The following CLSTN1 variants were observed in gnomAD, a reference collection of about 807,000 sequenced individuals.
CLSTN1 encodes the protein calsyntenin 1, also known as calsyntenin-1.
A neutral mutation model predicts 108.3 loss-of-function variants in CLSTN1; 28 were observed. That is an observed-to-expected ratio of 0.26 (90% CI 0.19 to 0.35). The LOEUF (loss-of-function observed/expected upper bound fraction) is 0.35, where lower values mean the gene tolerates loss of function less well. Among genes scored for constraint, CLSTN1 ranks in the 10% least tolerant of loss-of-function variants. The pLI, the probability that CLSTN1 is intolerant of heterozygous loss-of-function variation, is 1.00. For missense variants in CLSTN1, 1,157 were observed against 1,302.6 expected (o/e 0.89, Z 1.72); for synonymous variants, 524 against 534.9 (o/e 0.98, Z 0.28).
intron 1 of CLSTN1, among the ~76,000 whole-genome samples, chr1:9,817,539 G>A (rs1273573222): frequency 2.0e-5 from 3 of 152,146 alleles, no homozygotes; most frequent in African/African-American, 7.2e-5. Flanking sequence ...TGTTGGTCAG[G>A]CTGGTCCCGA....
intron 1 of CLSTN1, among the ~76,000 whole-genome samples, chr1:9,788,905 A>G (rs955504355): frequency 6.7e-6 from 1 of 149,358 alleles, no homozygotes; most frequent in African/African-American, 2.5e-5. Flanking sequence ...GAATTTGACT[A>G]TTCTAGTACC....
intron 1 of CLSTN1, among the ~76,000 whole-genome samples, chr1:9,778,223 AACAC>A (rs57372437): frequency 0.082 from 10,964 of 134,380 alleles, 580 homozygotes; most frequent in African/African-American, 0.16. Flanking sequence ...TCTCCTCCCC[AACAC>A]ACACACACAC....
At position 9,823,459 on chromosome 1, in the gene CLSTN1, C is replaced by T. The variant is rs1186329386; in HGVS notation, c.91+184G>A. 6.6e-6 allele frequency among the ~76,000 whole-genome samples: 1 copy of T among 152,126 alleles called. No individual in the cohort carries two copies. Among genetic ancestry groups the T allele is most frequent in the African/African-American group, 2.4e-5 (1 of 41,438 alleles). On this transcript the variant is annotated intron_variant, in intron 1 of 18. Transcript: ENST00000377298. The surrounding 1 kb of genome is among the most constrained non-coding windows in gnomAD (Gnocchi z 6.3). ...CCGGCTCCGCGAGCCCGACCCCCAA[C>T]CCGAACCCCACGCCCTGACCCGGCT...
chr1:9,788,061 C>T (rs1653576997), intron 1 of CLSTN1, among the ~76,000 whole-genome samples: 1 of 151,250 alleles, frequency 6.6e-6, no homozygotes, highest in Non-Finnish European at 1.5e-5. Flanking sequence ...TCAAGATCAG[C>T]CCGGCCAACC....
At chr1:9,753,156 CT>C (rs1196291590) in intron 4 of CLSTN1, among the ~76,000 whole-genome samples, 1 of 152,190 alleles carries the variant, frequency 6.6e-6, no homozygotes, top group East Asian at 1.9e-4. Context: ...GCAGTCGATT[CT>C]CATAAGGAGC....
Position 9,734,670 on chromosome 1 carries a change from C to T in CLSTN1, c.2110+278G>A, listed in dbSNP as rs1650589386. ...GGCTGGCCAGCCTGGCAGGTGCAAG[C>T]AGTGTCTCCCGTAAGTGCCCTCAAC... is the stretch of plus-strand genomic sequence containing the variant. On this transcript the variant is annotated intron_variant, in intron 14 of 18. Transcript: ENST00000377298. The surrounding 1 kb of genome is among the most constrained non-coding windows in gnomAD (Gnocchi z 4.8). 6.6e-6 allele frequency among the ~76,000 whole-genome samples: 1 copy of T among 151,952 alleles called. No homozygotes were observed. The highest frequency in any genetic ancestry group is 1.5e-5 in the Non-Finnish European group (1 of 67,972).
At chr1:9,745,250 A>G (rs905827618) in intron 7 of CLSTN1, among the ~76,000 whole-genome samples, 1 of 152,134 alleles carries the variant, frequency 6.6e-6, no homozygotes, top group African/African-American at 2.4e-5. Flanking sequence ...AAAAAAACAA[A>G]AAGGAAGGGA....
chr1:9,778,239 C>CAG (rs998798829), intron 1 of CLSTN1, among the ~76,000 whole-genome samples: 9 of 151,286 alleles, frequency 5.9e-5, no homozygotes, highest in Non-Finnish European at 1.2e-4. Flanking sequence ...CACACACACA[C>CAG]ACACACACAC....
chr1:9,744,847 G>A (rs937600232), intron 7 of CLSTN1, among the ~76,000 whole-genome samples: 1 of 148,956 alleles, frequency 6.7e-6, no homozygotes, highest in Non-Finnish European at 1.5e-5. Flanking sequence ...TCCACCTCCC[G>A]GGTTCAAGCT....
intron 11 of CLSTN1, among the ~76,000 whole-genome samples, chr1:9,737,184 G>A (rs1302037924): frequency 2.0e-5 from 3 of 152,088 alleles, no homozygotes; most frequent in African/African-American, 7.3e-5. Context: ...CAGTCACGAG[G>A]CGGCCTCCCA....
chr1:9,770,600 C>G (rs1652626080), intron 2 of CLSTN1, among the ~76,000 whole-genome samples: 1 of 152,122 alleles, frequency 6.6e-6, no homozygotes, highest in African/African-American at 2.4e-5. Flanking sequence ...TGCAGAAAAG[C>G]GTATTTATTA....
intron 1 of CLSTN1, among the ~76,000 whole-genome samples, chr1:9,798,120 G>A (rs947264956): frequency 7.0e-6 from 1 of 142,962 alleles, no homozygotes; most frequent in African/African-American, 2.6e-5. Context: ...GAGGGAGAGA[G>A]GGAGAGAGGG....
At position 9,823,763 on chromosome 1, in the gene CLSTN1, G is replaced by A; in HGVS notation, c.-30C>T. 1.3e-5 allele frequency: 13 copies of A among 1,009,388 alleles called. No homozygotes were observed. Among genetic ancestry groups the A allele is most frequent in the Non-Finnish European group, 1.5e-5 (13 of 842,014 alleles). 62.5% of individuals were successfully genotyped at this position (1,009,388 alleles called of 1,614,324 possible). On this transcript the variant is annotated 5_prime_UTR_variant, in exon 1 of 19. Transcript: ENST00000377298. The surrounding 1 kb of genome is among the most constrained non-coding windows in gnomAD (Gnocchi z 6.3). ...AGCCCGGGGCGGGAGCGGCAGGGAG[G>A]CGCGCGGGACGCCGAGCGGAGCTCT...
At chr1:9,743,751 C>A (rs1478489718) in intron 9 of CLSTN1, 133 bp downstream of exon 9, 4 of 882,264 alleles carry the variant, frequency 4.5e-6, no homozygotes, top group African/African-American at 1.7e-5. Context: ...GGGACAGGAT[C>A]TTAGTAATGT....
In CLSTN1 at chr1:9,814,738, C is replaced by T. The variant is rs532232969; in HGVS notation, c.91+8905G>A. On this transcript the variant is annotated intron_variant, in intron 1 of 18. Coordinates refer to ENST00000377298, the MANE Select transcript of CLSTN1 (RefSeq NM_001009566.3). ...CAGCCTGGGCAACATAGGAAGATCCCGTCTCTACAAAAATTTTAAAATTAG... is the reference window on the plus strand; with the variant it reads ...CAGCCTGGGCAACATAGGAAGATCCTGTCTCTACAAAAATTTTAAAATTAG... 3.8e-4 allele frequency among the ~76,000 whole-genome samples: 58 copies of T among 151,780 alleles called. 1 individual carries two copies. Among genetic ancestry groups the T allele is most frequent in the Middle Eastern group, 6.9e-3 (2 of 290 alleles).
chr1:9,731,730 T>A, intron 17 of CLSTN1, 31 bp downstream of exon 17: 1 of 1,613,234 alleles, frequency 6.2e-7, no homozygotes, highest in Non-Finnish European at 8.5e-7. Context: ...GCATGGAGCA[T>A]CTCCGCTTGG....
chr1:9,756,677 C>T (rs933531409), intron 2 of CLSTN1, among the ~76,000 whole-genome samples, 167 bp from the exon 3 acceptor site: 3 of 152,210 alleles, frequency 2.0e-5, no homozygotes, highest in African/African-American at 4.8e-5. Flanking sequence ...AACAAAATGT[C>T]ACTTTGAATC....
intron 7 of CLSTN1, among the ~76,000 whole-genome samples, chr1:9,745,610 CTG>C: frequency 6.6e-6 from 1 of 151,692 alleles, no homozygotes; most frequent in Non-Finnish European, 1.5e-5. Flanking sequence ...TGAGCTGTGA[CTG>C]TGCCACTATA....
At chr1:9,792,916 G>A (rs1653831186) in intron 1 of CLSTN1, among the ~76,000 whole-genome samples, 1 of 151,388 alleles carries the variant, frequency 6.6e-6, no homozygotes, top group Non-Finnish European at 1.5e-5. Flanking sequence ...GGGGGCAGGG[G>A]AAGAGACAGA....
Sources: gnomAD v4.1 joint callset for allele counts (sites outside exome capture counted in the v4.1 genomes callset) on GRCh38, gnomAD v4.1.1 for gene constraint, Gnocchi (gnomAD v3.1) non-coding constraint, MANE v1.5 for transcripts, NCBI Gene and HGNC (gene_info 2026-07-23, HGNC 2026-07-21) for gene names.